CUBN: variants seen among roughly 807,000 people sequenced by gnomAD.
CUBN encodes 460 kDa receptor.
A neutral mutation model predicts 405.3 loss-of-function variants in CUBN; 282 were observed. The observed-to-expected ratio is 0.70, with a 90% CI of 0.63 to 0.77. The LOEUF is 0.77. CUBN is among the 30% of genes least tolerant of loss of function. The pLI, the probability that CUBN is intolerant of heterozygous loss-of-function variation, is 0.00. For synonymous variants in CUBN, 1,684 were observed against 1,617.0 expected, an observed-to-expected ratio of 1.04 and a Z score of -0.99; for missense variants, 4,514 against 4,475.2, an observed-to-expected ratio of 1.01 and a Z score of -0.25.
chr10:16,831,125 C>A, intron 65 of CUBN, 127 bp downstream of exon 65: 3 of 828,922 alleles, frequency 3.6e-6, no homozygotes, highest in South Asian at 1.5e-5. Flanking sequence ...ATGTTAAAAT[C>A]TCTATTCTTA....
intron 17 of CUBN, among the ~76,000 whole-genome samples, chr10:17,082,332 C>T (rs1230697127): frequency 5.3e-5 from 8 of 152,156 alleles, no homozygotes; most frequent in Admixed American, 5.2e-4. Context: ...ACTTTAATCC[C>T]CTTCTGGCTA....
At chr10:16,924,824 CT>C (rs1326360596) in intron 43 of CUBN, among the ~76,000 whole-genome samples, 1 of 151,938 alleles carries the variant, frequency 6.6e-6, no homozygotes, top group Admixed American at 6.6e-5. Context: ...ATTATGTGTT[CT>C]TTTGAAAACA....
intron 60 of CUBN, among the ~76,000 whole-genome samples, chr10:16,844,690 G>A (rs1297359137): frequency 1.3e-5 from 2 of 152,190 alleles, no homozygotes. Context: ...GTGGCCTCGG[G>A]ATAACTGACA....
At chr10:16,922,603 C>A (rs954363886) in intron 43 of CUBN, among the ~76,000 whole-genome samples, 3 of 152,162 alleles carry the variant, frequency 2.0e-5, no homozygotes, top group Non-Finnish European at 4.4e-5. Context: ...GTGATTCCTG[C>A]CTGCTTCATC....
chr10:17,126,832 T>C (rs746378315), intron 3 of CUBN, 33 bp from the exon 4 acceptor site: 1 of 1,612,698 alleles, frequency 6.2e-7, no homozygotes, highest in Non-Finnish European at 8.5e-7. Flanking sequence ...TTCAGTTAGC[T>C]GGTTCAAAGG....
chr10:16,825,941 T>C (rs901886993), intron 66 of CUBN, among the ~76,000 whole-genome samples: 1 of 151,942 alleles, frequency 6.6e-6, no homozygotes, highest in African/African-American at 2.4e-5. Flanking sequence ...TCAAGGAATA[T>C]ACAATATTTT....
rs571988796 is a variant in CUBN, at chr10:17,087,538, C to T, written c.1947+626G>A. Among the ~76,000 whole-genome samples the T allele has an allele frequency of 4.6e-5, 6 of 131,674 alleles. No individual in the cohort carries two copies. In the East Asian group the frequency reaches 7.0e-4, roughly 15 times the overall value. 86.4% of individuals were successfully genotyped at this position (131,674 alleles called of 152,430 possible). On this transcript the variant is annotated intron_variant, in intron 15 of 66. Coordinates refer to ENST00000377833, the MANE Select transcript of CUBN (RefSeq NM_001081.4). ...TCACCCAGGCTGGAGTGCAGTGGCA[C>T]GATCTCAGCTCACTGCAACCTCCGC...
chr10:16,978,674 A>AT (rs902793667), intron 31 of CUBN, among the ~76,000 whole-genome samples: 1 of 152,224 alleles, frequency 6.6e-6, no homozygotes, highest in African/African-American at 2.4e-5. Context: ...GGACACTAAC[A>AT]TTGAAAGATC....
intron 59 of CUBN, among the ~76,000 whole-genome samples, chr10:16,852,592 G>A (rs902604215): frequency 3.9e-5 from 6 of 152,068 alleles, no homozygotes; most frequent in African/African-American, 4.8e-5. Context: ...TCTTATTCAC[G>A]GAGTTGCTGA....
chr10:16,907,364 T>C (rs1190301256), intron 49 of CUBN, 144 bp downstream of exon 49: 17 of 813,898 alleles, frequency 2.1e-5, no homozygotes, highest in Non-Finnish European at 3.3e-5. Context: ...GCGTTTTTCA[T>C]CTGCTTATGT....
intron 58 of CUBN, among the ~76,000 whole-genome samples, chr10:16,873,217 T>A (rs900941673): frequency 6.6e-6 from 1 of 152,170 alleles, no homozygotes; most frequent in Non-Finnish European, 1.5e-5. Flanking sequence ...CCACATGCCA[T>A]ACGTATATCA....
At chr10:16,857,612 A>T (rs544386097) in intron 59 of CUBN, among the ~76,000 whole-genome samples, 1 of 152,366 alleles carries the variant, frequency 6.6e-6, no homozygotes, top group South Asian at 2.1e-4. Context: ...AAAGGATTTG[A>T]CAAAATCCAA....
chr10:16,879,480 A>G (rs1588614629), intron 56 of CUBN, among the ~76,000 whole-genome samples: 1 of 152,348 alleles, frequency 6.6e-6, no homozygotes, highest in East Asian at 1.9e-4. Context: ...AAACTACATT[A>G]TTTTATATAA....
chr10:17,025,113 C>T (rs1355385083), intron 27 of CUBN, among the ~76,000 whole-genome samples: 1 of 152,090 alleles, frequency 6.6e-6, no homozygotes, highest in Non-Finnish European at 1.5e-5. Context: ...TTCTTTAGAG[C>T]TTAATATGTA....
chr10:17,040,573 T>C (rs1303994828), intron 27 of CUBN, among the ~76,000 whole-genome samples: 3 of 152,120 alleles, frequency 2.0e-5, no homozygotes, highest in African/African-American at 4.8e-5. Flanking sequence ...ATTATAACAA[T>C]TGAAACTTCA....
At chr10:16,968,861 C>T (rs1843473366) in intron 31 of CUBN, among the ~76,000 whole-genome samples, 1 of 152,212 alleles carries the variant, frequency 6.6e-6, no homozygotes, top group South Asian at 2.1e-4. Context: ...GCAAGAAATG[C>T]TCCTGATGTG....
intron 41 of CUBN, among the ~76,000 whole-genome samples, chr10:16,927,902 C>T (rs1842237685): frequency 6.6e-6 from 1 of 152,310 alleles, no homozygotes; most frequent in South Asian, 2.1e-4. Flanking sequence ...CCTGGACACA[C>T]CTCCTTTGGA....
intron 27 of CUBN, among the ~76,000 whole-genome samples, chr10:17,026,165 A>G (rs1265717451): frequency 6.6e-6 from 1 of 152,180 alleles, no homozygotes; most frequent in Non-Finnish European, 1.5e-5. Context: ...CACCCCAAAC[A>G]ACCACCACAG....
At chr10:17,049,311 C>G (rs910564199) in intron 22 of CUBN, among the ~76,000 whole-genome samples, 1 of 152,152 alleles carries the variant, frequency 6.6e-6, no homozygotes, top group Non-Finnish European at 1.5e-5. Context: ...ACTCATTGAC[C>G]CACACACAGA....
Sources: gnomAD v4.1 joint callset for allele counts (sites outside exome capture counted in the v4.1 genomes callset) on GRCh38, gnomAD v4.1.1 for gene constraint, MANE v1.5 for transcripts, NCBI Gene and HGNC (gene_info 2026-07-23, HGNC 2026-07-21) for gene names.